The following CTNND2 variants were observed in gnomAD, a reference collection of about 807,000 sequenced individuals.
CTNND2 encodes the protein catenin delta 2.
A neutral mutation model predicts 144.4 loss-of-function variants in CTNND2; 22 were observed. The ratio of observed to expected loss-of-function variants is 0.15; its 90% CI spans 0.11 to 0.22. The LOEUF (loss-of-function observed/expected upper bound fraction) is 0.22. Among genes scored for constraint, CTNND2 ranks in the 10% least tolerant of loss-of-function variants. The pLI, the probability that CTNND2 is intolerant of heterozygous loss-of-function variation, is 1.00. For synonymous variants in CTNND2, 751 were observed against 695.6 expected (o/e 1.08, Z -1.25); for missense variants, 1,353 against 1,618.8 (o/e 0.84, Z 2.82).
rs907964199 is a variant in CTNND2 at position 11,875,170 on chromosome 5, T to G, written c.37+28647A>C. Among the ~76,000 whole-genome samples, 3 of 152,322 alleles carry G rather than the reference T, an allele frequency of 2.0e-5. No individual in the cohort carries two copies. In the East Asian group the frequency reaches 5.8e-4, roughly 29 times the overall value. ...AGGTTTCTAAATTGTTCAATCATTC[T>G]GGTAGAAACCTTTGTTGTTCAGGGT... On this transcript the variant is annotated intron_variant, in intron 1 of 21. Coordinates refer to ENST00000304623, the MANE Select transcript of CTNND2 (RefSeq NM_001332.4).
At chr5:11,277,758 C>T (rs1414599458) in intron 9 of CTNND2, among the ~76,000 whole-genome samples, 1 of 152,008 alleles carries the variant, frequency 6.6e-6, no homozygotes, top group East Asian at 1.9e-4. Flanking sequence ...TCTCAAACTG[C>T]CGACCTCAAG....
chr5:11,813,716 G>A (rs928654351), intron 1 of CTNND2, among the ~76,000 whole-genome samples: 1 of 152,130 alleles, frequency 6.6e-6, no homozygotes, highest in Non-Finnish European at 1.5e-5. Context: ...GTCTCGCTAT[G>A]TTGCCTAGGC....
At chr5:11,380,279 C>A (rs1332710468) in intron 7 of CTNND2, among the ~76,000 whole-genome samples, 2 of 152,172 alleles carry the variant, frequency 1.3e-5, no homozygotes, top group Admixed American at 6.5e-5. Flanking sequence ...ATTCAATAAA[C>A]CTGCTGTGTC....
chr5:11,765,569 G>A (rs1171579056), intron 1 of CTNND2, among the ~76,000 whole-genome samples: 2 of 152,146 alleles, frequency 1.3e-5, no homozygotes, highest in Non-Finnish European at 2.9e-5. Context: ...TTGTATGTGA[G>A]GTATGGACTT....
At chr5:11,855,650 T>G (rs1795218056) in intron 1 of CTNND2, among the ~76,000 whole-genome samples, 1 of 152,208 alleles carries the variant, frequency 6.6e-6, no homozygotes, top group Non-Finnish European at 1.5e-5. Context: ...TAAGTGTTCT[T>G]GAACTCAGTC....
intron 3 of CTNND2, among the ~76,000 whole-genome samples, chr5:11,488,275 A>G (rs1408852424): frequency 6.6e-6 from 1 of 152,168 alleles, no homozygotes; most frequent in African/African-American, 2.4e-5. Context: ...TATGGATCAG[A>G]TGTATTATGA....
intron 1 of CTNND2, among the ~76,000 whole-genome samples, chr5:11,741,638 T>C (rs1040653034): frequency 2.8e-4 from 43 of 151,656 alleles, no homozygotes; most frequent in Non-Finnish European, 2.5e-4. Flanking sequence ...TTGATGGGTG[T>C]AGCAAACCAA....
chr5:11,037,615 T>C (rs962469822), intron 16 of CTNND2, among the ~76,000 whole-genome samples: 1 of 152,184 alleles, frequency 6.6e-6, no homozygotes, highest in African/African-American at 2.4e-5. Context: ...AACAAAATGA[T>C]ACAAATTTCG....
chr5:11,125,208 G>A (rs933595502), intron 12 of CTNND2, among the ~76,000 whole-genome samples: 4 of 152,198 alleles, frequency 2.6e-5, no homozygotes, highest in African/African-American at 2.4e-5. Context: ...TGGAGTGACA[G>A]TAATCCAGCC....
At chr5:11,189,911 G>C (rs1329733803) in intron 11 of CTNND2, among the ~76,000 whole-genome samples, 2 of 152,214 alleles carry the variant, frequency 1.3e-5, no homozygotes, top group African/African-American at 4.8e-5. Context: ...CAGTCAGTCT[G>C]TTTGGGGAAG....
At chr5:11,046,482 G>A (rs906469400) in intron 16 of CTNND2, among the ~76,000 whole-genome samples, 1 of 152,162 alleles carries the variant, frequency 6.6e-6, no homozygotes, top group African/African-American at 2.4e-5. Flanking sequence ...TGCAGTTAGG[G>A]GCACTTTGTT....
chr5:11,678,135 A>T (rs888021317), intron 2 of CTNND2, among the ~76,000 whole-genome samples: 14 of 152,068 alleles, frequency 9.2e-5, no homozygotes, highest in Non-Finnish European at 7.4e-5. Context: ...ACAATACAAG[A>T]AAAAAAAGTC....
chr5:11,291,505 G>A (rs199735994), intron 9 of CTNND2, among the ~76,000 whole-genome samples: 5 of 152,032 alleles, frequency 3.3e-5, no homozygotes, highest in East Asian at 3.9e-4. Context: ...ATTCTCAGAT[G>A]AGTCTCCCTC....
chr5:11,897,927 C>T, intron 1 of CTNND2, among the ~76,000 whole-genome samples: 1 of 152,192 alleles, frequency 6.6e-6, no homozygotes, highest in East Asian at 1.9e-4. Context: ...CACTGCTGGC[C>T]TCTCTCCAGC....
intron 2 of CTNND2, among the ~76,000 whole-genome samples, chr5:11,661,930 T>G (rs1450759242): frequency 6.6e-6 from 1 of 151,652 alleles, no homozygotes. Flanking sequence ...GCAGCGGCAT[T>G]AGATTCTGTA....
chr5:11,547,268 A>AAAAT (rs140923100), intron 3 of CTNND2, among the ~76,000 whole-genome samples: 6,516 of 143,022 alleles, frequency 0.046, 195 homozygotes, highest in African/African-American at 0.089. Context: ...ATTCCATCTC[A>AAAAT]AAATAAATAA....
At chr5:11,746,036 A>T (rs923495972) in intron 1 of CTNND2, among the ~76,000 whole-genome samples, 1 of 152,214 alleles carries the variant, frequency 6.6e-6, no homozygotes, top group African/African-American at 2.4e-5. Context: ...GAAACCACTG[A>T]CACAGAGGAT....
chr5:11,252,949 A>G (rs995530456), intron 9 of CTNND2, among the ~76,000 whole-genome samples: 2 of 152,234 alleles, frequency 1.3e-5, no homozygotes, highest in Non-Finnish European at 2.9e-5. Flanking sequence ...ATCTAAAAAT[A>G]GCAGTATCTC....
intron 10 of CTNND2, among the ~76,000 whole-genome samples, chr5:11,219,384 A>G (rs1379482335): frequency 6.6e-6 from 1 of 152,250 alleles, no homozygotes; most frequent in African/African-American, 2.4e-5. Context: ...ATTTCCTAGA[A>G]TCTTACAGAG....
Sources: gnomAD v4.1 joint callset for allele counts (sites outside exome capture counted in the v4.1 genomes callset) on GRCh38, gnomAD v4.1.1 for gene constraint, MANE v1.5 for transcripts, NCBI Gene and HGNC (gene_info 2026-07-23, HGNC 2026-07-21) for gene names.